The following RASA2 variants were observed in gnomAD, a reference collection of about 807,000 sequenced individuals.
RASA2 encodes ras GTPase-activating protein 2.
Under a neutral mutation model 118.2 loss-of-function variants are expected in RASA2, and 155 were observed. That is an observed-to-expected ratio of 1.31 (90% CI 1.15 to 1.50). The LOEUF (loss-of-function observed/expected upper bound fraction) is 1.50. Ranked by LOEUF, RASA2 falls within the 40% of genes most tolerant of loss-of-function variation. The pLI, the probability that RASA2 is intolerant of heterozygous loss-of-function variation, is 0.00. For missense variants in RASA2, 1,016 were observed against 1,009.6 expected, an observed-to-expected ratio of 1.01 and a Z score of -0.09; for synonymous variants, 353 against 349.1, an observed-to-expected ratio of 1.01 and a Z score of -0.12.
chr3:141,529,716 G>A lies in RASA2; in HGVS notation c.364G>A (p.Ala122Thr), dbSNP rs1288834971. 3.1e-6 allele frequency: 5 copies of A among 1,609,032 alleles called. No individual in the cohort carries two copies. Among genetic ancestry groups the A allele is most frequent in the South Asian group, 1.1e-5 (1 of 90,886 alleles). ...TTACTTATTTTCTGTAGGAAAAGTA[G>A]CCATCAAAAAAGAAGACTTGTGTAA... Reference protein sequence around the residue: ...LQRDLRIGKVAIKKEDLCNHS... With the variant: ...LQRDLRIGKVTIKKEDLCNHS... The change falls in exon 4 of 24, where the codon GCC becomes ACC. Residue 122 changes from alanine (A) to threonine (T), a missense_variant. By Grantham distance (58) the Ala-to-Thr change is moderately conservative. Coordinates refer to ENST00000286364, the MANE Select transcript of RASA2 (RefSeq NM_006506.5).
At chr3:141,575,992 G>C (rs932044859) in intron 14 of RASA2, among the ~76,000 whole-genome samples, 3 of 152,124 alleles carry the variant, frequency 2.0e-5, no homozygotes, top group African/African-American at 7.2e-5. Flanking sequence ...GGTCAGGCTG[G>C]TCTCAAACTC....
chr3:141,551,871 A>G (rs1382760601), intron 5 of RASA2, among the ~76,000 whole-genome samples: 1 of 152,234 alleles, frequency 6.6e-6, no homozygotes, highest in Non-Finnish European at 1.5e-5. Flanking sequence ...TCACATATAA[A>G]TAAAATATCA....
chr3:141,560,031 A>G (rs904530163), intron 9 of RASA2, 36 bp downstream of exon 9: 14 of 1,517,136 alleles, frequency 9.2e-6, no homozygotes, highest in African/African-American at 1.4e-5. Context: ...TCCATAGTTT[A>G]ATTCTCTTTA....
At chr3:141,522,602 G>T (rs1352314203) in intron 3 of RASA2, among the ~76,000 whole-genome samples, 2 of 152,104 alleles carry the variant, frequency 1.3e-5, no homozygotes, top group Non-Finnish European at 2.9e-5. Context: ...TGGCACCTTG[G>T]CCTCTGGTTG....
chr3:141,559,863 G>T, intron 8 of RASA2, 31 bp from the exon 9 acceptor site: 1 of 1,571,052 alleles, frequency 6.4e-7, no homozygotes, highest in Non-Finnish European at 8.8e-7. Context: ...AACATTGTTT[G>T]CAAAACATAA....
chr3:141,518,482 CAAAAAAAAAAAAAAAAAAAAA>C (rs777543417), intron 3 of RASA2, among the ~76,000 whole-genome samples: 3 of 27,046 alleles, frequency 1.1e-4, no homozygotes, highest in East Asian at 3.1e-3. Flanking sequence ...GACACCATCT[CAAAAAAAAAAAAAAAAAAAAA>C]AAAAAAAAAA....
chr3:141,494,311 G>A (rs577332399), intron 1 of RASA2, among the ~76,000 whole-genome samples: 2 of 152,338 alleles, frequency 1.3e-5, no homozygotes, highest in East Asian at 1.9e-4. Flanking sequence ...TTATACCCAC[G>A]TAGGGTGTAT....
chr3:141,577,073 A>G lies in RASA2; in HGVS notation c.1557A>G (p.Ser519=). Reference sequence around the variant, plus strand: ...GTTTCTTTGCTGTAGCCGTAGTATCACCTCATACTTTTCATTTGCGACCTC... The same window carrying G: ...GTTTCTTTGCTGTAGCCGTAGTATCGCCTCATACTTTTCATTTGCGACCTC... The part of the protein sequence containing the change: ...FLRFFAVAVV[S]PHTFHLRPHH... Residue 519 remains serine, a synonymous_variant, in exon 15 of 24, where the codon TCA becomes TCG. Transcript: ENST00000286364. 1 of 1,609,212 alleles carries G rather than the reference A, an allele frequency of 6.2e-7. No individual in the cohort carries two copies. The highest frequency in any genetic ancestry group is 8.5e-7 in the Non-Finnish European group (1 of 1,176,760).
intron 19 of RASA2, among the ~76,000 whole-genome samples, chr3:141,603,014 A>T (rs890324612): frequency 6.6e-6 from 1 of 152,170 alleles, no homozygotes; most frequent in African/African-American, 2.4e-5. Flanking sequence ...TCATTGCCTA[A>T]CTTGGGGATA....
At chr3:141,512,006 C>A (rs1289077674) in intron 1 of RASA2, among the ~76,000 whole-genome samples, 157 bp from the exon 2 acceptor site, 6 of 151,718 alleles carry the variant, frequency 4.0e-5, no homozygotes, top group Admixed American at 3.9e-4. Flanking sequence ...TCTTAACAAT[C>A]TCCTTTAGAC....
intron 1 of RASA2, among the ~76,000 whole-genome samples, chr3:141,508,159 A>G (rs1296208089): frequency 2.0e-5 from 3 of 152,104 alleles, no homozygotes; most frequent in East Asian, 1.9e-4. Context: ...CTTCACCTCT[A>G]TGATGAATTA....
At chr3:141,589,187 T>C (rs1236778120) in intron 19 of RASA2, among the ~76,000 whole-genome samples, 1 of 152,182 alleles carries the variant, frequency 6.6e-6, no homozygotes, top group Non-Finnish European at 1.5e-5. Flanking sequence ...TTAGAAATTA[T>C]AACTTACTGA....
chr3:141,558,982 AC>A lies in RASA2; in HGVS notation c.761+21del, dbSNP rs1204701977. 1.1e-5 allele frequency: 17 copies of A among 1,560,276 alleles called. No individual in the cohort carries two copies. Among genetic ancestry groups the A allele is most frequent in the Non-Finnish European group, 1.3e-5 (15 of 1,142,008 alleles). ...AATCAGGTATGTGCCTTGGGGTTTT[AC>A]AGAATTGCTTTTTTGTATACCAAAA... On this transcript the variant is annotated intron_variant, in intron 8 of 23. Transcript: ENST00000286364.
intron 5 of RASA2, among the ~76,000 whole-genome samples, chr3:141,550,891 C>T (rs1269805070): frequency 6.6e-6 from 1 of 152,198 alleles, no homozygotes; most frequent in Non-Finnish European, 1.5e-5. Flanking sequence ...GTCTATCCAA[C>T]TCCTCCCCCA....
chr3:141,563,240 G>A (rs1327118463), intron 9 of RASA2, among the ~76,000 whole-genome samples: 1 of 151,964 alleles, frequency 6.6e-6, no homozygotes, highest in Non-Finnish European at 1.5e-5. Flanking sequence ...TTTATTCCCT[G>A]TTTCTTTTTC....
At chr3:141,570,126 T>C (rs1286662096) in intron 9 of RASA2, among the ~76,000 whole-genome samples, 1 of 151,868 alleles carries the variant, frequency 6.6e-6, no homozygotes, top group Non-Finnish European at 1.5e-5. Context: ...TTTCTGGTTT[T>C]GGTCCTGCAA....
intron 5 of RASA2, among the ~76,000 whole-genome samples, chr3:141,541,578 A>C (rs184630266): frequency 2.0e-5 from 3 of 152,086 alleles, no homozygotes; most frequent in Non-Finnish European, 2.9e-5. Context: ...ACATTGTTAC[A>C]ATACTTTTTA....
At chr3:141,541,555 T>G (rs192941631) in intron 5 of RASA2, among the ~76,000 whole-genome samples, 165 of 152,198 alleles carry the variant, frequency 1.1e-3, no homozygotes, top group African/African-American at 3.8e-3. Flanking sequence ...AGTTACCAAA[T>G]TCAGGAAGTT....
chr3:141,604,096 C>T (rs781754716), intron 19 of RASA2, among the ~76,000 whole-genome samples: 6 of 152,114 alleles, frequency 3.9e-5, no homozygotes, highest in Admixed American at 2.0e-4. Flanking sequence ...ATGGTATATA[C>T]GTAGGAGTGT....
Sources: allele counts gnomAD v4.1 joint callset (sites outside exome capture counted in the v4.1 genomes callset), GRCh38; gene constraint gnomAD v4.1.1; transcripts MANE v1.5; gene names NCBI Gene and HGNC (gene_info 2026-07-23, HGNC 2026-07-21).